IQCB1: variants seen among roughly 807,000 people sequenced by gnomAD.
The protein encoded by IQCB1 is IQ calmodulin-binding motif-containing protein 1.
Under a neutral mutation model 84.4 loss-of-function variants are expected in IQCB1, and 56 were observed. The ratio of observed to expected loss-of-function variants is 0.66; its 90% CI spans 0.54 to 0.83. The LOEUF (loss-of-function observed/expected upper bound fraction) is 0.83, where lower values mean the gene tolerates loss of function less well. IQCB1 is among the 40% of genes least tolerant of loss of function. The probability of loss-of-function intolerance (pLI) is 0.00; values close to 1 mark genes in which losing one functional copy is unlikely to be tolerated. For missense variants in IQCB1, 629 were observed against 682.1 expected, an observed-to-expected ratio of 0.92 and a Z score of 0.87; for synonymous variants, 210 against 234.8, an observed-to-expected ratio of 0.89 and a Z score of 0.96.
At position 121,797,099 on chromosome 3, in the gene IQCB1, T is replaced by C. The variant is rs368053119; in HGVS notation, c.876+19A>G. 20 of 1,298,538 alleles carry C rather than the reference T, an allele frequency of 1.5e-5. No homozygotes were observed. The African/African-American group carries it at 2.8e-4, about 18-fold the overall frequency. 80.4% of individuals were successfully genotyped at this position (1,298,538 alleles called of 1,614,324 possible). The stretch of plus-strand genomic sequence containing the variant: ...AGTCAGCAAATATCATGCAATTTTT[T>C]TTTTTTGTAACTTAATACCTGCTCT... On this transcript the variant is annotated intron_variant, in intron 9 of 14. Transcript: ENST00000310864.
chr3:121,786,175 G>GAAAAGAAAAGAAAAGAA (rs1559760735), intron 12 of IQCB1, among the ~76,000 whole-genome samples: 12 of 122,934 alleles, frequency 9.8e-5, no homozygotes, highest in African/African-American at 3.6e-4. Context: ...TGTCTCAAAA[G>GAAAAGAAAAGAAAAGAA]AAAAGAAAAG....
intron 12 of IQCB1, among the ~76,000 whole-genome samples, chr3:121,786,170 C>CAAGAAAAAAAAAAGAAAAGAAAAGAAAAG: frequency 1.4e-5 from 1 of 72,848 alleles, no homozygotes; most frequent in Non-Finnish European, 2.5e-5. Flanking sequence ...GATTCTGTCT[C>CAAGAAAAAAAAAAGAAAAGAAAAGAAAAG]AAAAGAAAAG....
Position 121,788,333 on chromosome 3 carries a change from T to C in IQCB1, c.1229A>G (p.Gln410Arg), listed in dbSNP as rs1948819252. ...GYRERKNFHQ[Q>R]RQSLIEYKAA... is the part of the protein sequence containing the mutation. ...TTTATACTCTATGAGAGACTGCCTCTGTTGGTGAAAATTTTTCCTTTCCCT... is the reference window on the plus strand; with the variant it reads ...TTTATACTCTATGAGAGACTGCCTCCGTTGGTGAAAATTTTTCCTTTCCCT... The change falls in exon 12 of 15, where the codon CAG becomes CGG. Residue 410 changes from glutamine (Q) to arginine (R), a missense_variant. Gln to Arg is a conservative substitution (Grantham distance 43, BLOSUM62 1). Transcript: ENST00000310864. The C allele has an allele frequency of 6.2e-7, 1 of 1,614,000 alleles. No homozygotes were observed. Among genetic ancestry groups the C allele is most frequent in the Non-Finnish European group, 8.5e-7 (1 of 1,179,940 alleles).
chr3:121,779,833 C>A (rs974075673), intron 13 of IQCB1, among the ~76,000 whole-genome samples: 2 of 152,030 alleles, frequency 1.3e-5, no homozygotes, highest in African/African-American at 4.8e-5. Flanking sequence ...AGAATGGAGC[C>A]GTCTAGGCTA....
intron 13 of IQCB1, among the ~76,000 whole-genome samples, chr3:121,778,899 CA>C (rs35667822): frequency 0.42 from 48,136 of 115,092 alleles, 8,274 homozygotes; most frequent in African/African-American, 0.46. Flanking sequence ...AACTCTGTCT[CA>C]AAAAAAAAAA....
At chr3:121,805,552 C>A (rs566174118) in intron 7 of IQCB1, among the ~76,000 whole-genome samples, 6 of 152,212 alleles carry the variant, frequency 3.9e-5, no homozygotes, top group African/African-American at 1.4e-4. Flanking sequence ...CAGTTTGACC[C>A]TTTTGGGTCT....
At chr3:121,800,946 C>T (rs7642353) in intron 7 of IQCB1, among the ~76,000 whole-genome samples, 97,675 of 151,724 alleles carry the variant, frequency 0.64, 31,930 homozygotes, top group African/African-American at 0.71. Flanking sequence ...CACATATATA[C>T]CATAAGTGAT....
At chr3:121,812,732 A>G (rs1205627189) in intron 5 of IQCB1, among the ~76,000 whole-genome samples, 1 of 152,208 alleles carries the variant, frequency 6.6e-6, no homozygotes, top group African/African-American at 2.4e-5. Flanking sequence ...AGAAGAATGA[A>G]AAGAAATGAA....
chr3:121,788,195 A>G lies in IQCB1; in HGVS notation c.1278+89T>C, dbSNP rs142388187. The G allele has an allele frequency of 5.3e-3, 6,786 of 1,292,394 alleles. 25 individuals are homozygous for G. Among genetic ancestry groups the G allele is most frequent in the Non-Finnish European group, 6.2e-3 (5,547 of 889,854 alleles). 80.1% of individuals were successfully genotyped at this position (1,292,394 alleles called of 1,614,324 possible). On this transcript the variant is annotated intron_variant, in intron 12 of 14. Coordinates refer to ENST00000310864, the MANE Select transcript of IQCB1 (RefSeq NM_001023570.4). ...TCAAGAAAACTAAGTGTCTTGACCA[A>G]GGCTTTACAACAGGTAATTAGCAAA...
Position 121,770,308 on chromosome 3 carries a change from A to G in IQCB1, c.*37T>C. ...AGAGGCAGAACCAATATAATCTCCTAAAATATGAGATTTGTGTCAATTCTT... is the reference window on the plus strand; with the variant it reads ...AGAGGCAGAACCAATATAATCTCCTGAAATATGAGATTTGTGTCAATTCTT... On this transcript the variant is annotated 3_prime_UTR_variant, in exon 15 of 15. Coordinates refer to ENST00000310864, the MANE Select transcript of IQCB1 (RefSeq NM_001023570.4). 1 of 1,410,564 alleles carries G rather than the reference A, an allele frequency of 7.1e-7. No homozygotes were observed. The highest frequency in any genetic ancestry group is 1.0e-6 in the Non-Finnish European group (1 of 996,970). The allele number at this position is 1,410,564 out of a possible 1,614,324, so 87.4% of individuals were successfully genotyped here. A position where few individuals can be genotyped will look rare whatever the true frequency, so the allele number is the denominator to read the frequency against.
At chr3:121,811,370 G>A (rs1336192753) in intron 5 of IQCB1, among the ~76,000 whole-genome samples, 4 of 152,172 alleles carry the variant, frequency 2.6e-5, no homozygotes, top group African/African-American at 4.8e-5. Context: ...CTAGCTGCAC[G>A]AGTTTCTTTT....
chr3:121,811,812 G>A (rs536251422), intron 5 of IQCB1, among the ~76,000 whole-genome samples: 17 of 152,198 alleles, frequency 1.1e-4, no homozygotes, highest in South Asian at 2.1e-4. Flanking sequence ...CTGGGACAGC[G>A]CACCTGGGGA....
chr3:121,826,195 C>T lies in IQCB1; in HGVS notation c.264-15G>A. 6.2e-7 allele frequency: 1 copy of T among 1,613,312 alleles called. No individual in the cohort carries two copies. Among genetic ancestry groups the T allele is most frequent in the South Asian group, 1.1e-5 (1 of 91,060 alleles). ...CACAGCAATGGCTGAAATAAGAGCA[C>T]AAGTTCGTGTTAATTAGAAGTTTAT... is the stretch of plus-strand genomic sequence containing the variant. On this transcript the variant is annotated splice_polypyrimidine_tract_variant and intron_variant, in intron 4 of 14. Transcript: ENST00000310864.
Position 121,795,489 on chromosome 3 carries a change from T to C in IQCB1, c.954A>G (p.Pro318=), listed in dbSNP as rs1373398947. 6 of 1,606,684 alleles carry C rather than the reference T, an allele frequency of 3.7e-6. No individual in the cohort carries two copies. In the Middle Eastern group the frequency reaches 6.2e-4, roughly 165 times the overall value. ...FQTRKRLKKL[P]SAVIALQRSF... ...TCCTCTGCAAAGCAATCACAGCAGA[T>C]GGAAGCTTCTTTAATCTCTTTCTTG... is the stretch of plus-strand genomic sequence containing the variant. The change falls in exon 10 of 15, where the codon CCA becomes CCG. Residue 318 remains proline (P), a synonymous_variant. Transcript: ENST00000310864.
At chr3:121,814,045 C>T (rs932593577) in intron 5 of IQCB1, among the ~76,000 whole-genome samples, 9 of 152,080 alleles carry the variant, frequency 5.9e-5, no homozygotes, top group African/African-American at 1.9e-4. Context: ...TCAGCAAATG[C>T]AAAAGAACAG....
chr3:121,799,079 T>G (rs1949306518), intron 8 of IQCB1, 117 bp downstream of exon 8: 1 of 720,698 alleles, frequency 1.4e-6, no homozygotes, highest in Non-Finnish European at 2.4e-6. Context: ...TGTTGTGAGT[T>G]TTATCTACAT....
intron 12 of IQCB1, among the ~76,000 whole-genome samples, chr3:121,784,965 G>A (rs971558051): frequency 3.3e-5 from 5 of 152,102 alleles, no homozygotes; most frequent in African/African-American, 7.2e-5. Context: ...ATGAGTCACC[G>A]TGCCCGGCCT....
chr3:121,811,348 G>A (rs1949821896), intron 5 of IQCB1, among the ~76,000 whole-genome samples: 1 of 152,154 alleles, frequency 6.6e-6, no homozygotes, highest in Non-Finnish European at 1.5e-5. Flanking sequence ...AGCTGTTTGG[G>A]CAGACACTGA....
At chr3:121,813,064 G>A (rs566238532) in intron 5 of IQCB1, among the ~76,000 whole-genome samples, 7 of 152,242 alleles carry the variant, frequency 4.6e-5, no homozygotes, top group Non-Finnish European at 8.8e-5. Context: ...GACTAACAGC[G>A]GATGTCTCTG....
Sources: allele counts gnomAD v4.1 joint callset (sites outside exome capture counted in the v4.1 genomes callset), GRCh38; gene constraint gnomAD v4.1.1; transcripts MANE v1.5; gene names NCBI Gene and HGNC (gene_info 2026-07-23, HGNC 2026-07-21).